DMD: variants seen among roughly 807,000 people sequenced by gnomAD.
The protein encoded by DMD is dystrophin.
DMD carries 63 observed loss-of-function variants against 330.1 expected under a neutral mutation model. That is an observed-to-expected ratio of 0.19 (90% CI 0.16 to 0.24). DMD has a LOEUF of 0.24. Among genes scored for constraint, DMD ranks in the 10% least tolerant of loss-of-function variants. DMD has a pLI of 1.00. For missense variants in DMD, 3,344 were observed against 2,684.1 expected (o/e 1.25, Z -5.43); for synonymous variants, 1,223 against 959.8 (o/e 1.27, Z -5.07).
At chrX:31,424,261 G>A (rs1384273108) in intron 60 of DMD, among the ~76,000 whole-genome samples, 1 of 111,735 alleles carries the variant, frequency 8.9e-6, no homozygotes, top group Admixed American at 9.5e-5. Flanking sequence ...GGAAACTTCC[G>A]TTTTTTGCTT....
chrX:33,018,381 G>C (rs2093845338), intron 2 of DMD, among the ~76,000 whole-genome samples: 2 of 111,681 alleles, frequency 1.8e-5, no homozygotes, highest in Non-Finnish European at 3.8e-5. Context: ...ACAGTTTTAA[G>C]ATATGGGCAT....
At position 31,657,974 on chromosome X, in the gene DMD, A is replaced by ATAATG. The variant is rs750738036; in HGVS notation, c.8027+11_8027+15dup. 3.9e-5 allele frequency: 47 copies of ATAATG among 1,200,339 alleles called. No homozygotes were observed. Among genetic ancestry groups the ATAATG allele is most frequent in the Non-Finnish European group, 5.3e-5 (47 of 886,785 alleles). ...ATTACAGCCAACAGTAGTTTTAGAA[A>ATAATG]TAATGTAATTCATACCTTTTATGAA... On this transcript the variant is annotated intron_variant, in intron 54 of 78. Transcript: ENST00000357033.
At chrX:31,878,276 A>G (rs764485083) in intron 47 of DMD, among the ~76,000 whole-genome samples, 76 of 111,831 alleles carry the variant, frequency 6.8e-4, no homozygotes, top group African/African-American at 2.3e-3. Flanking sequence ...CATTTACCTC[A>G]TGCTATTTAA....
At chrX:32,117,299 T>C (rs937883585) in intron 44 of DMD, among the ~76,000 whole-genome samples, 1 of 110,955 alleles carries the variant, frequency 9.0e-6, no homozygotes, top group African/African-American at 3.3e-5. Flanking sequence ...GAGATATCTT[T>C]CAGCAAGGAG....
chrX:31,863,381 C>G (rs2093744968), intron 48 of DMD, among the ~76,000 whole-genome samples: 4 of 112,155 alleles, frequency 3.6e-5, no homozygotes, highest in Admixed American at 2.8e-4. Flanking sequence ...TGGATTTGTT[C>G]CTGTGGTAGG....
intron 30 of DMD, among the ~76,000 whole-genome samples, chrX:32,392,845 G>A (rs1018713851): frequency 5.3e-5 from 6 of 112,532 alleles, no homozygotes; most frequent in South Asian, 3.7e-4. Flanking sequence ...AAGTAACATC[G>A]AAAGGCCATG....
chrX:31,531,856 G>A (rs776175447), intron 55 of DMD, among the ~76,000 whole-genome samples: 3 of 96,273 alleles, frequency 3.1e-5, no homozygotes, highest in African/African-American at 1.2e-4. Flanking sequence ...CTCAGGAGCC[G>A]ATGCGATCAA....
chrX:32,405,413 G>A (rs761370390), intron 30 of DMD, among the ~76,000 whole-genome samples: 1 of 111,757 alleles, frequency 8.9e-6, no homozygotes, highest in Non-Finnish European at 1.9e-5. Context: ...ACACGCATAG[G>A]TTGTTACATT....
chrX:31,528,993 A>G (rs1342520483), intron 55 of DMD, among the ~76,000 whole-genome samples: 1 of 111,119 alleles, frequency 9.0e-6, no homozygotes, highest in Non-Finnish European at 1.9e-5. Context: ...ATTAAAAATA[A>G]AAATAAAAAA....
At chrX:31,255,042 C>CGAA (rs2049792645) in intron 63 of DMD, among the ~76,000 whole-genome samples, 1 of 46,818 alleles carries the variant, frequency 2.1e-5, no homozygotes. Flanking sequence ...AAGATGCTGT[C>CGAA]AAAAAAAAAA....
At chrX:32,698,038 G>C in intron 8 of DMD, 40 bp from the exon 9 acceptor site, 1 of 1,159,279 alleles carries the variant, frequency 8.6e-7, no homozygotes, top group Non-Finnish European at 1.2e-6. Flanking sequence ...GAGAGGAGGG[G>C]GAAAAACCAT....
At chrX:31,836,174 A>C (rs1209207297) in intron 49 of DMD, among the ~76,000 whole-genome samples, 2 of 112,297 alleles carry the variant, frequency 1.8e-5, no homozygotes, top group African/African-American at 6.5e-5. Context: ...GGTTTATCCC[A>C]GGCCAGCTTT....
chrX:31,888,146 C>T (rs1444417629), intron 47 of DMD, among the ~76,000 whole-genome samples: 1 of 111,121 alleles, frequency 9.0e-6, no homozygotes, highest in Non-Finnish European at 1.9e-5. Context: ...GAGGGTCAGT[C>T]AAGAGGACTA....
At chrX:32,966,228 A>G (rs1406511613) in intron 2 of DMD, among the ~76,000 whole-genome samples, 2 of 112,227 alleles carry the variant, frequency 1.8e-5, no homozygotes, top group Non-Finnish European at 3.8e-5. Flanking sequence ...TAATTAGACA[A>G]CATATTAGCT....
chrX:31,310,587 CA>C (rs898847097), intron 62 of DMD, among the ~76,000 whole-genome samples: 3 of 110,370 alleles, frequency 2.7e-5, no homozygotes, highest in African/African-American at 9.9e-5. Context: ...CTGTGTTGCC[CA>C]AGCTGGAGTG....
At chrX:32,709,505 T>C (rs1333566311) in intron 7 of DMD, among the ~76,000 whole-genome samples, 1 of 111,971 alleles carries the variant, frequency 8.9e-6, no homozygotes, top group Non-Finnish European at 1.9e-5. Context: ...AAGTACAGCA[T>C]GACCCAATCC....
chrX:33,069,972 C>T (rs1016799439), intron 1 of DMD, among the ~76,000 whole-genome samples: 4 of 111,641 alleles, frequency 3.6e-5, no homozygotes, highest in Non-Finnish European at 5.6e-5. Context: ...TATCAACAAT[C>T]TTGTGGATTT....
chrX:32,559,975 G>A (rs1270313529), intron 16 of DMD, among the ~76,000 whole-genome samples: 1 of 110,818 alleles, frequency 9.0e-6, no homozygotes. Flanking sequence ...TACAAGAAGA[G>A]GCAAATTCTG....
intron 30 of DMD, among the ~76,000 whole-genome samples, chrX:32,406,866 A>C (rs1220607198): frequency 1.8e-5 from 2 of 111,350 alleles, no homozygotes; most frequent in Non-Finnish European, 3.8e-5. Context: ...CAAAAACAAG[A>C]AATGGGGAAA....
Sources: allele counts gnomAD v4.1 joint callset (sites outside exome capture counted in the v4.1 genomes callset), GRCh38; gene constraint gnomAD v4.1.1; transcripts MANE v1.5; gene names NCBI Gene and HGNC (gene_info 2026-07-23, HGNC 2026-07-21).